The following KCNN2 variants were observed in gnomAD, a reference collection of about 807,000 sequenced individuals.
The protein encoded by KCNN2 is potassium calcium-activated channel subfamily N member 2, also known as small conductance calcium-activated potassium channel protein 2.
KCNN2 carries 24 observed loss-of-function variants against 55.5 expected under a neutral mutation model. The observed-to-expected ratio is 0.43, with a 90% CI of 0.31 to 0.61. KCNN2 has a LOEUF of 0.61. Ranked by LOEUF, KCNN2 falls within the 20% of genes least tolerant of loss-of-function variation. The probability of loss-of-function intolerance (pLI) is 0.08; values close to 1 mark genes in which losing one functional copy is unlikely to be tolerated. For missense variants in KCNN2, 754 were observed against 853.6 expected, an observed-to-expected ratio of 0.88 and a Z score of 1.45; for synonymous variants, 431 against 336.1, an observed-to-expected ratio of 1.28 and a Z score of -3.09.
chr5:114,489,156 T>C lies in KCNN2; in HGVS notation c.2018+1979T>C, dbSNP rs1397550597. On this transcript the variant is annotated intron_variant, in intron 6 of 7. Transcript: ENST00000673685. The stretch of plus-strand genomic sequence containing the variant: ...AGCCATGTGCAGTGGGGATTTGTAT[T>C]ACATCTTGTAATATAAGACTCTTCT... 2.6e-5 allele frequency: 4 copies of C among 152,206 alleles called. No individual in the cohort carries two copies. The East Asian group carries it at 7.7e-4, about 29-fold the overall frequency. 9.4% of individuals were successfully genotyped at this position (152,206 alleles called of 1,614,324 possible).
At chr5:114,339,542 T>G (rs561658849) in intron 2 of KCNN2, among the ~76,000 whole-genome samples, 87 of 152,204 alleles carry the variant, frequency 5.7e-4, no homozygotes, top group African/African-American at 1.8e-3. Flanking sequence ...GTGGCTCATG[T>G]TTGTAATCCC....
At chr5:114,207,281 G>T (rs952814922) in intron 1 of KCNN2, among the ~76,000 whole-genome samples, 2 of 152,122 alleles carry the variant, frequency 1.3e-5, no homozygotes, top group Non-Finnish European at 2.9e-5. Flanking sequence ...AGAGAAAATA[G>T]GTTCCCAGTG....
At chr5:114,216,946 A>G (rs1040109537) in intron 1 of KCNN2, among the ~76,000 whole-genome samples, 2 of 152,146 alleles carry the variant, frequency 1.3e-5, no homozygotes, top group African/African-American at 4.8e-5. Context: ...ACAAAAGTCA[A>G]TTGCTTTCCT....
chr5:114,107,876 T>A (rs181842324), intron 1 of KCNN2, among the ~76,000 whole-genome samples: 6 of 152,224 alleles, frequency 3.9e-5, no homozygotes, highest in Admixed American at 3.9e-4. Flanking sequence ...CTTGTATATA[T>A]TTTTAATTTC....
chr5:114,214,457 A>G (rs1055052822), intron 1 of KCNN2, among the ~76,000 whole-genome samples: 2 of 152,106 alleles, frequency 1.3e-5, no homozygotes, highest in East Asian at 3.9e-4. Flanking sequence ...TGATTATTAC[A>G]TTCTTGGTAC....
At chr5:114,403,138 T>C (rs1386159404) in intron 2 of KCNN2, among the ~76,000 whole-genome samples, 1 of 152,210 alleles carries the variant, frequency 6.6e-6, no homozygotes, top group African/African-American at 2.4e-5. Flanking sequence ...GTTTGTATTG[T>C]TGTCCAAAAC....
At chr5:114,228,731 T>A (rs1361868632) in intron 2 of KCNN2, among the ~76,000 whole-genome samples, 1 of 152,102 alleles carries the variant, frequency 6.6e-6, no homozygotes, top group African/African-American at 2.4e-5. Flanking sequence ...CATAATTTTA[T>A]TAGAAGTTGA....
In KCNN2 at chr5:114,463,107, A is replaced by ATAAC; in HGVS notation, c.1698_1701dup (p.Phe568AsnfsTer9). On this transcript the variant is annotated frameshift_variant, in exon 4 of 8. Transcript: ENST00000673685. LOFTEE classifies it high-confidence loss of function. Reference sequence around the variant, plus strand: ...CCTTGGAGCGATGTGGTTGATATCAATAACTTTTCTCTCCATTGGTTATGG... The same window carrying ATAAC: ...CCTTGGAGCGATGTGGTTGATATCAATAACTAACTTTTCTCTCCATTGGTTATGG... The ATAAC allele has an allele frequency of 6.2e-7, 1 of 1,613,744 alleles. No homozygotes were observed.
At chr5:114,383,260 C>A (rs138141374) in intron 2 of KCNN2, among the ~76,000 whole-genome samples, 199 of 151,974 alleles carry the variant, frequency 1.3e-3, no homozygotes, top group African/African-American at 4.7e-3. Context: ...GTGTGTAGAC[C>A]CTGTACTTTC....
chr5:114,201,134 C>A (rs1025590962), intron 1 of KCNN2, among the ~76,000 whole-genome samples: 2 of 151,948 alleles, frequency 1.3e-5, no homozygotes, highest in African/African-American at 4.8e-5. Context: ...GGGACCCAAG[C>A]AGTCTGGGTT....
intron 1 of KCNN2, among the ~76,000 whole-genome samples, chr5:114,103,460 A>G (rs1258187321): frequency 6.6e-6 from 1 of 152,036 alleles, no homozygotes; most frequent in Admixed American, 6.6e-5. Flanking sequence ...TTCCAATACT[A>G]TGTTGAGTAG....
intron 1 of KCNN2, among the ~76,000 whole-genome samples, chr5:114,142,672 C>T (rs1022102363): frequency 2.0e-4 from 30 of 152,066 alleles, no homozygotes; most frequent in Admixed American, 7.2e-4. Flanking sequence ...TGTGAAGGAC[C>T]TCTTCAAGGA....
intron 1 of KCNN2, among the ~76,000 whole-genome samples, chr5:114,184,374 T>C (rs1393138530): frequency 6.6e-6 from 1 of 152,118 alleles, no homozygotes; most frequent in East Asian, 1.9e-4. Flanking sequence ...GTTGGGGAAA[T>C]AAAGTGACTT....
upstream of KCNN2, among the ~76,000 whole-genome samples, chr5:114,360,191 C>G (rs1757376798): frequency 6.6e-6 from 1 of 152,084 alleles, no homozygotes; most frequent in African/African-American, 2.4e-5. Context: ...CACCCCCCAC[C>G]CCTTTTTTTC....
intron 1 of KCNN2, among the ~76,000 whole-genome samples, chr5:114,130,281 T>G (rs920312077): frequency 6.6e-6 from 1 of 152,258 alleles, no homozygotes; most frequent in South Asian, 2.1e-4. Context: ...CTCAAACCTA[T>G]ATTTCTCTAA....
At chr5:114,269,582 T>C (rs1326498119) in intron 2 of KCNN2, among the ~76,000 whole-genome samples, 5 of 151,954 alleles carry the variant, frequency 3.3e-5, no homozygotes, top group East Asian at 3.9e-4. Context: ...TTTCAGATAA[T>C]TGCACATGCA....
At chr5:114,202,316 C>G (rs1580614354) in intron 1 of KCNN2, among the ~76,000 whole-genome samples, 1 of 151,986 alleles carries the variant, frequency 6.6e-6, no homozygotes, top group Non-Finnish European at 1.5e-5. Flanking sequence ...CATTAAAACC[C>G]ATTTTTAATT....
intron 5 of KCNN2, among the ~76,000 whole-genome samples, chr5:114,485,982 C>A (rs778667698): frequency 6.6e-6 from 1 of 152,150 alleles, no homozygotes; most frequent in Non-Finnish European, 1.5e-5. Context: ...TTATCTCTAA[C>A]TTTCTGATGT....
intron 1 of KCNN2, among the ~76,000 whole-genome samples, chr5:114,187,722 G>A (rs1025837448): frequency 1.3e-5 from 2 of 151,072 alleles, no homozygotes; most frequent in African/African-American, 2.4e-5. Context: ...TAGCCAGGAT[G>A]GTCTCAATCT....
Sources: gnomAD v4.1 joint callset for allele counts (sites outside exome capture counted in the v4.1 genomes callset) on GRCh38, gnomAD v4.1.1 for gene constraint, MANE v1.5 for transcripts, NCBI Gene and HGNC (gene_info 2026-07-23, HGNC 2026-07-21) for gene names.